Variants in ZNF704 observed in about 807,000 individuals in gnomAD.
ZNF704 encodes glucocorticoid induced gene 1.
A neutral mutation model predicts 44.7 loss-of-function variants in ZNF704; 10 were observed. The ratio of observed to expected loss-of-function variants is 0.22; its 90% CI spans 0.14 to 0.38. The LOEUF is 0.38. Ranked by LOEUF, ZNF704 falls within the 10% of genes least tolerant of loss-of-function variation. The pLI, the probability that ZNF704 is intolerant of heterozygous loss-of-function variation, is 1.00. For synonymous variants in ZNF704, 211 were observed against 207.6 expected, an observed-to-expected ratio of 1.02 and a Z score of -0.14; for missense variants, 390 against 545.5, an observed-to-expected ratio of 0.71 and a Z score of 2.84.
intron 7 of ZNF704, among the ~76,000 whole-genome samples, chr8:80,643,671 A>T (rs930090951): frequency 6.6e-6 from 1 of 151,966 alleles, no homozygotes; most frequent in Non-Finnish European, 1.5e-5. Flanking sequence ...TATCTCAAAC[A>T]TTTTTTTACT....
At chr8:80,712,870 GTTTT>G (rs113759041) in intron 2 of ZNF704, among the ~76,000 whole-genome samples, 2 of 151,512 alleles carry the variant, frequency 1.3e-5, no homozygotes, top group South Asian at 2.1e-4. Context: ...TGAAGTAGGG[GTTTT>G]TTTGTTTGTT....
chr8:80,734,809 A>G (rs538213958), intron 2 of ZNF704, among the ~76,000 whole-genome samples: 62 of 152,320 alleles, frequency 4.1e-4, no homozygotes, highest in African/African-American at 1.3e-3. Context: ...CACTATCGTC[A>G]CTATCTATTT....
chr8:80,691,597 T>C (rs545623322), intron 3 of ZNF704, among the ~76,000 whole-genome samples: 1 of 152,114 alleles, frequency 6.6e-6, no homozygotes, highest in South Asian at 2.1e-4. Flanking sequence ...TCCTCGGCCA[T>C]CTTCTCTTCT....
chr8:80,778,680 A>G (rs1248222895), intron 2 of ZNF704, among the ~76,000 whole-genome samples: 1 of 152,222 alleles, frequency 6.6e-6, no homozygotes, highest in African/African-American at 2.4e-5. Context: ...GCAGCCATAA[A>G]AAAGAATGAG....
intron 2 of ZNF704, among the ~76,000 whole-genome samples, chr8:80,773,800 T>C (rs1240934337): frequency 2.0e-5 from 3 of 152,156 alleles, no homozygotes; most frequent in Admixed American, 6.5e-5. Flanking sequence ...TTGCTGAGCC[T>C]TTCTATTTTT....
chr8:80,821,533 T>C lies in ZNF704; in HGVS notation c.62A>G (p.Gln21Arg). 1 of 1,614,148 alleles carries C rather than the reference T, an allele frequency of 6.2e-7. No individual in the cohort carries two copies. Among genetic ancestry groups the C allele is most frequent in the Non-Finnish European group, 8.5e-7 (1 of 1,180,022 alleles). The change falls in exon 2 of 9, where the codon CAA (glutamine) becomes CGA (arginine). Residue 21 changes from glutamine (Q) to arginine (R), a missense_variant. Around this residue, in one of 3 missense-constraint regions of ZNF704, gnomAD observed 80 missense variants for 83.7 expected, o/e 0.96. Coordinates refer to ENST00000327835, the MANE Select transcript of ZNF704 (RefSeq NM_001033723.3). The part of the protein sequence containing the change: ...KRDCGKKMSH[Q>R]HVFSLAMEED... Reference sequence around the variant, plus strand: ...CTCCATGGCCAAGGAAAACACGTGTTGATGAGACATTTTTTTACCACAGTC... The same window carrying C: ...CTCCATGGCCAAGGAAAACACGTGTCGATGAGACATTTTTTTACCACAGTC...
At chr8:80,850,029 G>A (rs1194554050) in intron 1 of ZNF704, among the ~76,000 whole-genome samples, 1 of 152,092 alleles carries the variant, frequency 6.6e-6, no homozygotes, top group Non-Finnish European at 1.5e-5. Context: ...GTATTCATAT[G>A]TAATGGTAAC....
intron 1 of ZNF704, among the ~76,000 whole-genome samples, chr8:80,824,530 C>T (rs375303970): frequency 6.6e-6 from 1 of 152,174 alleles, no homozygotes; most frequent in African/African-American, 2.4e-5. Flanking sequence ...ACTTCCCCAA[C>T]CTAGCAAGGC....
Position 80,825,784 on chromosome 8 carries a change from A to G in ZNF704, c.-21-4169T>C, listed in dbSNP as rs1053101055. 1.5e-4 allele frequency among the ~76,000 whole-genome samples: 23 copies of G among 152,180 alleles called. 1 individual carries two copies. The highest frequency in any genetic ancestry group is 4.6e-4 in the African/African-American group (19 of 41,520). ...AGGATTAAGAAACTCACTCAAAACCACTCAACTACATGGAAACTGAACACC... is the reference window on the plus strand; with the variant it reads ...AGGATTAAGAAACTCACTCAAAACCGCTCAACTACATGGAAACTGAACACC... On this transcript the variant is annotated intron_variant, in intron 1 of 8. Transcript: ENST00000327835.
At chr8:80,741,322 T>G (rs1274252522) in intron 2 of ZNF704, among the ~76,000 whole-genome samples, 1 of 152,180 alleles carries the variant, frequency 6.6e-6, no homozygotes. Context: ...GGGGCAAGAC[T>G]TTTCTTTATA....
intron 6 of ZNF704, among the ~76,000 whole-genome samples, chr8:80,663,718 C>T (rs1818138144): frequency 6.8e-6 from 1 of 146,952 alleles, no homozygotes; most frequent in South Asian, 2.1e-4. Context: ...CAAAGCTTTC[C>T]AATGCTTACA....
intron 2 of ZNF704, among the ~76,000 whole-genome samples, chr8:80,799,444 G>A (rs1586035978): frequency 6.6e-6 from 1 of 152,108 alleles, no homozygotes; most frequent in Non-Finnish European, 1.5e-5. Context: ...CAGGTAGAAG[G>A]GATTTTAAGA....
intron 4 of ZNF704, among the ~76,000 whole-genome samples, chr8:80,685,061 C>T (rs1409991882): frequency 6.6e-6 from 1 of 151,978 alleles, no homozygotes; most frequent in East Asian, 1.9e-4. Flanking sequence ...AGGATAAACA[C>T]TATTCTTATT....
chr8:80,736,611 C>T lies in ZNF704; in HGVS notation c.222-43504G>A, dbSNP rs375034401. On this transcript the variant is annotated intron_variant, in intron 2 of 8. Transcript: ENST00000327835. The stretch of plus-strand genomic sequence containing the variant: ...TTATCGTGGCTGCCCATGAAAACTA[C>T]GAAGGGAACTTAAAAAAAATTGGTG... 3.3e-5 allele frequency among the ~76,000 whole-genome samples: 5 copies of T among 152,064 alleles called. 1 individual carries two copies. In the South Asian group the frequency reaches 6.2e-4, roughly 19 times the overall value.
At chr8:80,841,962 A>C (rs532839863) in intron 1 of ZNF704, among the ~76,000 whole-genome samples, 2 of 152,000 alleles carry the variant, frequency 1.3e-5, no homozygotes, top group South Asian at 4.2e-4. Context: ...TTAGTTTTTT[A>C]ATTTTTTCAT....
chr8:80,845,308 T>C (rs1045640251), intron 1 of ZNF704, among the ~76,000 whole-genome samples: 1 of 152,212 alleles, frequency 6.6e-6, no homozygotes, highest in South Asian at 2.1e-4. Context: ...TGCACTTTGA[T>C]TTCCTCACAC....
At chr8:80,745,208 A>G (rs961119153) in intron 2 of ZNF704, among the ~76,000 whole-genome samples, 3 of 152,182 alleles carry the variant, frequency 2.0e-5, no homozygotes, top group African/African-American at 7.2e-5. Context: ...CAAATTCATA[A>G]TTCAGGAGCT....
At chr8:80,784,481 C>T (rs1017457591) in intron 2 of ZNF704, among the ~76,000 whole-genome samples, 2 of 152,130 alleles carry the variant, frequency 1.3e-5, no homozygotes, top group Non-Finnish European at 2.9e-5. Context: ...ATAGTGATTT[C>T]TTGTTTCAAT....
chr8:80,691,609 A>T (rs562641828), intron 3 of ZNF704, among the ~76,000 whole-genome samples: 1 of 151,298 alleles, frequency 6.6e-6, no homozygotes, highest in East Asian at 2.0e-4. Flanking sequence ...TTCTCTTCTC[A>T]CTCTGCTTTT....
Sources: allele counts gnomAD v4.1 joint callset (sites outside exome capture counted in the v4.1 genomes callset), GRCh38; gene constraint gnomAD v4.1.1; regional missense constraint gnomAD v4.1.1; transcripts MANE v1.5; gene names NCBI Gene and HGNC (gene_info 2026-07-23, HGNC 2026-07-21).